The following LDLRAD4 variants were observed in gnomAD, a reference collection of about 807,000 sequenced individuals.
LDLRAD4 encodes low density lipoprotein receptor class A domain containing 4.
In LDLRAD4, 5 loss-of-function variants were observed where a neutral mutation model predicts 17.0. That is an observed-to-expected ratio of 0.29 (90% CI 0.15 to 0.62). The LOEUF (loss-of-function observed/expected upper bound fraction) is 0.62, where lower values mean the gene tolerates loss of function less well. LDLRAD4 is among the 20% of genes least tolerant of loss of function. LDLRAD4 has a pLI of 0.84. For missense variants in LDLRAD4, 340 were observed against 424.7 expected, an observed-to-expected ratio of 0.80 and a Z score of 1.75; for synonymous variants, 168 against 171.8, an observed-to-expected ratio of 0.98 and a Z score of 0.17.
At chr18:13,538,930 G>A (rs1192547731) in intron 3 of LDLRAD4, among the ~76,000 whole-genome samples, 2 of 152,172 alleles carry the variant, frequency 1.3e-5, no homozygotes, top group African/African-American at 4.8e-5. Context: ...AAGAAATGAT[G>A]AGTAATCTTT....
chr18:13,352,779 T>G (rs940226706), intron 1 of LDLRAD4, among the ~76,000 whole-genome samples: 2 of 152,192 alleles, frequency 1.3e-5, no homozygotes, highest in Non-Finnish European at 2.9e-5. Context: ...TCATTCTTTT[T>G]TCTTTCTACC....
At chr18:13,229,807 A>T (rs1292296887) in intron 1 of LDLRAD4, among the ~76,000 whole-genome samples, 1 of 152,142 alleles carries the variant, frequency 6.6e-6, no homozygotes, top group Non-Finnish European at 1.5e-5. Context: ...CTTTGTCGCC[A>T]AACTGGTGGA....
rs61074116 is a variant in LDLRAD4, at chr18:13,477,111, G to C, written c.181+38727G>C. ...AGTAATTTTGGTGGAATTTTTCTGT[G>C]GTAAAGAATGAAACAAGGAATACCA... On this transcript the variant is annotated intron_variant, in intron 3 of 5. Coordinates refer to ENST00000359446, the Ensembl canonical transcript of LDLRAD4. 9.7e-3 allele frequency among the ~76,000 whole-genome samples: 1,418 copies of C among 146,644 alleles called. 24 individuals carry two copies. The highest frequency in any genetic ancestry group is 0.037 in the African/African-American group (1,343 of 36,178).
At chr18:13,503,353 T>G (rs1001271841) in intron 3 of LDLRAD4, among the ~76,000 whole-genome samples, 8 of 152,234 alleles carry the variant, frequency 5.3e-5, no homozygotes, top group Admixed American at 2.0e-4. Context: ...AACCTGCCAT[T>G]GTTCCCAGCC....
intron 3 of LDLRAD4, among the ~76,000 whole-genome samples, chr18:13,604,489 C>T (rs2095200535): frequency 6.6e-6 from 1 of 152,160 alleles, no homozygotes; most frequent in South Asian, 2.1e-4. Flanking sequence ...ACTGGGGTTT[C>T]AGTCTCTCAA....
At chr18:13,525,194 A>G (rs1035075235) in intron 3 of LDLRAD4, among the ~76,000 whole-genome samples, 13 of 152,184 alleles carry the variant, frequency 8.5e-5, no homozygotes, top group African/African-American at 1.9e-4. Context: ...ACTGTCCCAC[A>G]TCTGATTATT....
At chr18:13,567,190 G>A (rs554520304) in intron 3 of LDLRAD4, among the ~76,000 whole-genome samples, 5 of 152,326 alleles carry the variant, frequency 3.3e-5, no homozygotes, top group Admixed American at 2.6e-4. Context: ...TAACTATGAC[G>A]TGCATGTGCT....
intron 3 of LDLRAD4, among the ~76,000 whole-genome samples, chr18:13,548,760 G>T (rs549699421): frequency 1.8e-4 from 27 of 152,326 alleles, no homozygotes; most frequent in African/African-American, 6.5e-4. Context: ...CTTGGAAAGG[G>T]TTAGGGCTCC....
rs529591001 is a variant in LDLRAD4 at position 13,415,523 on chromosome 18, A to G, written c.41-22721A>G. 2.6e-5 allele frequency among the ~76,000 whole-genome samples: 4 copies of G among 152,272 alleles called. No homozygotes were observed. In the South Asian group the frequency reaches 8.3e-4, roughly 32 times the overall value. On this transcript the variant is annotated intron_variant, in intron 2 of 5. Coordinates refer to ENST00000359446, the Ensembl canonical transcript of LDLRAD4. ...TTCCCACCAAAGGAAGTCTGGTTGTATAGGCAGACTTGTCTCCCCGGTGGT... is the reference window on the plus strand; with the variant it reads ...TTCCCACCAAAGGAAGTCTGGTTGTGTAGGCAGACTTGTCTCCCCGGTGGT...
intron 3 of LDLRAD4, among the ~76,000 whole-genome samples, chr18:13,594,686 A>C (rs910658556): frequency 2.5e-4 from 37 of 149,494 alleles, no homozygotes; most frequent in African/African-American, 8.6e-4. Context: ...AAAAAAAAAA[A>C]AAAGAAACAG....
At chr18:13,389,458 C>T (rs1265749821) in intron 2 of LDLRAD4, among the ~76,000 whole-genome samples, 1 of 152,154 alleles carries the variant, frequency 6.6e-6, no homozygotes, top group Non-Finnish European at 1.5e-5. Flanking sequence ...CTCCCCACAC[C>T]CCAGGAGGCA....
chr18:13,245,560 T>TCTCAGGGCC (rs1567927894), intron 1 of LDLRAD4, among the ~76,000 whole-genome samples: 58 of 152,366 alleles, frequency 3.8e-4, no homozygotes, highest in African/African-American at 1.3e-3. Flanking sequence ...GGCTCAGGGC[T>TCTCAGGGCC]GGCTCTCAGG....
intron 3 of LDLRAD4, chr18:13,611,791 C>T (rs948442618): frequency 3.0e-6 from 3 of 985,488 alleles, no homozygotes; most frequent in Non-Finnish European, 3.6e-6. Flanking sequence ...GAAGAGCGAG[C>T]CGGGGGGAAA....
chr18:13,300,655 T>G lies in LDLRAD4; in HGVS notation c.-383+22467T>G, dbSNP rs2046540648. ...GGAATTTGGCATCTTTAGTTCATCT[T>G]TATATGATCAGCCCCTGCACCCAAG... is the stretch of plus-strand genomic sequence containing the variant. On this transcript the variant is annotated intron_variant, in intron 1 of 5. Coordinates refer to ENST00000359446, the Ensembl canonical transcript of LDLRAD4. This position sits in a 1 kb window ranked among gnomAD's most constrained non-coding sequence, Gnocchi z 4.2. Among the ~76,000 whole-genome samples, 1 of 152,096 alleles carries G rather than the reference T, an allele frequency of 6.6e-6. No individual in the cohort carries two copies. Among genetic ancestry groups the G allele is most frequent in the African/African-American group, 2.4e-5 (1 of 41,422 alleles).
At chr18:13,291,439 G>T (rs2045955978) in intron 1 of LDLRAD4, among the ~76,000 whole-genome samples, 1 of 152,194 alleles carries the variant, frequency 6.6e-6, no homozygotes, top group Admixed American at 6.5e-5. Context: ...AAATCAAATT[G>T]TACAGTTGCA....
At chr18:13,523,465 A>G (rs1211027105) in intron 3 of LDLRAD4, among the ~76,000 whole-genome samples, 1 of 152,170 alleles carries the variant, frequency 6.6e-6, no homozygotes, top group Non-Finnish European at 1.5e-5. Flanking sequence ...GTACAGGCGA[A>G]TGCTGAAGAG....
intron 3 of LDLRAD4, among the ~76,000 whole-genome samples, chr18:13,608,479 C>T (rs1335364769): frequency 2.6e-5 from 4 of 152,150 alleles, no homozygotes; most frequent in South Asian, 2.1e-4. Flanking sequence ...CCTCCCTTTA[C>T]CACTCAGAAA....
intron 1 of LDLRAD4, among the ~76,000 whole-genome samples, chr18:13,370,713 G>GTTTTTTTTTTTTTT (rs781268070): frequency 5.8e-4 from 10 of 17,184 alleles, no homozygotes; most frequent in Non-Finnish European, 1.5e-3. Context: ...TTTTTGTTTT[G>GTTTTTTTTTTTTTT]TTTTTTTTTT....
At position 13,417,309 on chromosome 18, in the gene LDLRAD4, T is replaced by A. The variant is rs143523541; in HGVS notation, c.41-20935T>A. 3.9e-3 allele frequency among the ~76,000 whole-genome samples: 591 copies of A among 152,340 alleles called. 3 individuals are homozygous for A. The highest frequency in any genetic ancestry group is 6.5e-3 in the Non-Finnish European group (445 of 68,036). ...TATCTGCCATAATTCATAAGGCTCATACAAAAATTCAATGCGAAAGTTAGG... is the reference window on the plus strand; with the variant it reads ...TATCTGCCATAATTCATAAGGCTCAAACAAAAATTCAATGCGAAAGTTAGG... On this transcript the variant is annotated intron_variant, in intron 2 of 5. Coordinates refer to ENST00000359446, the Ensembl canonical transcript of LDLRAD4.
Sources: allele counts gnomAD v4.1 joint callset (sites outside exome capture counted in the v4.1 genomes callset), GRCh38; gene constraint gnomAD v4.1.1; non-coding constraint Gnocchi (gnomAD v3.1); transcripts MANE v1.5; gene names NCBI Gene and HGNC (gene_info 2026-07-23, HGNC 2026-07-21).